ZNF705G: variants seen among roughly 807,000 people sequenced by gnomAD.
ZNF705G encodes putative zinc finger protein 705G.
In ZNF705G, 23 loss-of-function variants were observed where a neutral mutation model predicts 19.6. The observed-to-expected ratio is 1.17, with a 90% CI of 0.84 to 1.66. ZNF705G has a LOEUF of 1.66. Ranked by LOEUF, ZNF705G falls within the 40% of genes most tolerant of loss-of-function variation. ZNF705G has a pLI of 0.00. For missense variants in ZNF705G, 457 were observed against 354.4 expected (o/e 1.29, Z -2.32); for synonymous variants, 146 against 117.7 (o/e 1.24, Z -1.56).
chr8:7,375,554 A>G (rs1303563476), intron 2 of ZNF705G, among the ~76,000 whole-genome samples: 1 of 93,068 alleles, frequency 1.1e-5, no homozygotes. Flanking sequence ...TAGTGAGATT[A>G]CTGGGTCAAA....
At chr8:7,369,253 T>C (rs1806992095) in intron 2 of ZNF705G, among the ~76,000 whole-genome samples, 2 of 149,516 alleles carry the variant, frequency 1.3e-5, no homozygotes, top group Non-Finnish European at 2.9e-5. Context: ...AGCCAAACCA[T>C]ATCAGAAGCC....
In ZNF705G at chr8:7,356,218, G is replaced by C. The variant is rs940303129; in HGVS notation, c.*1758C>G. 3 of 149,554 alleles carry C rather than the reference G, an allele frequency of 2.0e-5. No individual in the cohort carries two copies. Among genetic ancestry groups the C allele is most frequent in the African/African-American group, 7.7e-5 (3 of 38,914 alleles). The allele number at this position is 149,554 out of a possible 1,614,324, so 9.3% of individuals were successfully genotyped here. A position where few individuals can be genotyped will look rare whatever the true frequency, so the allele number is the denominator to read the frequency against. On this transcript the variant is annotated 3_prime_UTR_variant, in exon 7 of 7. Transcript: ENST00000400156. ...AATCAAATATAGGAAAGGCTTGCAA[G>C]GTGGCTGACAGGTTCGGCTGTTTTA... is the stretch of plus-strand genomic sequence containing the variant.
chr8:7,358,598 C>T (rs756101322), intron 6 of ZNF705G, 38 bp from the exon 7 acceptor site: 14 of 1,605,066 alleles, frequency 8.7e-6, no homozygotes, highest in Admixed American at 3.3e-5. Context: ...ATGGTTTACC[C>T]ACATATATCT....
intron 2 of ZNF705G, among the ~76,000 whole-genome samples, chr8:7,367,265 T>C (rs1222167580): frequency 1.3e-5 from 2 of 149,346 alleles, no homozygotes; most frequent in Non-Finnish European, 2.9e-5. Context: ...CCCTACCCAC[T>C]AGAAATGTCA....
chr8:7,371,136 A>G (rs930979188), intron 2 of ZNF705G, among the ~76,000 whole-genome samples: 1 of 142,460 alleles, frequency 7.0e-6, no homozygotes, highest in East Asian at 2.1e-4. Flanking sequence ...TCAGTGTTAC[A>G]TAATAACGAA....
chr8:7,364,008 T>C (rs1181758472), intron 2 of ZNF705G, among the ~76,000 whole-genome samples: 1 of 149,286 alleles, frequency 6.7e-6, no homozygotes, highest in Non-Finnish European at 1.5e-5. Context: ...GCTCAGAAAA[T>C]ACAAAATGAC....
rs1392168376 is a variant in ZNF705G at position 7,373,898 on chromosome 8, A to T, written c.-72+7554T>A. ...TGTATAGGACTTCTTGGATTGGCCCAAGGTGGTTACCAGATACCCAAAGTA... is the reference window on the plus strand; with the variant it reads ...TGTATAGGACTTCTTGGATTGGCCCTAGGTGGTTACCAGATACCCAAAGTA... On this transcript the variant is annotated intron_variant, in intron 2 of 6. Transcript: ENST00000400156. Among the ~76,000 whole-genome samples the T allele has an allele frequency of 4.5e-5, 4 of 89,710 alleles. 2 individuals are homozygous for T. Among genetic ancestry groups the T allele is most frequent in the Non-Finnish European group, 4.3e-5 (2 of 46,556 alleles). 58.9% of individuals were successfully genotyped at this position (89,710 alleles called of 152,430 possible).
At chr8:7,362,336 C>T (rs1806641296) in intron 3 of ZNF705G, among the ~76,000 whole-genome samples, 1 of 149,644 alleles carries the variant, frequency 6.7e-6, no homozygotes, top group South Asian at 2.1e-4. Flanking sequence ...TTTAGTTGTC[C>T]TTTCACAAAG....
intron 1 of ZNF705G, among the ~76,000 whole-genome samples, chr8:7,383,440 A>C (rs1807595063): frequency 6.8e-6 from 1 of 146,550 alleles, no homozygotes; most frequent in Non-Finnish European, 1.5e-5. Context: ...TTACTTCCTC[A>C]GCCCCTGAGA....
At chr8:7,382,809 A>C (rs1245763480) in intron 1 of ZNF705G, among the ~76,000 whole-genome samples, 11 of 146,726 alleles carry the variant, frequency 7.5e-5, no homozygotes, top group Non-Finnish European at 1.3e-4. Flanking sequence ...AAATTTCAGT[A>C]GTTTTTGGGG....
At position 7,371,324 on chromosome 8, in the gene ZNF705G, G is replaced by T. The variant is rs572265004; in HGVS notation, c.-71-8307C>A. On this transcript the variant is annotated intron_variant, in intron 2 of 6. Transcript: ENST00000400156. ...CCAGGGGCCGTGGTGCTGGGGAAAT[G>T]GGTAGATGTGGTTAGAGCACAAAGT... Among the ~76,000 whole-genome samples, 24 of 138,592 alleles carry T rather than the reference G, an allele frequency of 1.7e-4. No homozygotes were observed. In the South Asian group the frequency reaches 5.7e-3, roughly 33 times the overall value. The allele number at this position is 138,592 out of a possible 152,430, so 90.9% of individuals were successfully genotyped here.
At chr8:7,379,812 G>A (rs1354130717) in intron 2 of ZNF705G, among the ~76,000 whole-genome samples, 1 of 147,302 alleles carries the variant, frequency 6.8e-6, no homozygotes, top group South Asian at 2.1e-4. Context: ...CAGAGAAGGA[G>A]TTGGCACTGG....
chr8:7,359,269 A>G (rs1806452831), intron 6 of ZNF705G, among the ~76,000 whole-genome samples: 1 of 149,538 alleles, frequency 6.7e-6, no homozygotes, highest in South Asian at 2.1e-4. Context: ...TTGTCTTGTC[A>G]TTTTTCTCGA....
rs202213307 is a variant in ZNF705G at position 7,358,573 on chromosome 8, T to C, written c.319-13A>G. ...TGAGAGAGTTCTCCTTTGGGGCAAA[T>C]ATTAAAAGCTCTTAATGGTTTACCC... On this transcript the variant is annotated splice_polypyrimidine_tract_variant and intron_variant, in intron 6 of 6. Transcript: ENST00000400156. 6.2e-7 allele frequency: 1 copy of C among 1,603,876 alleles called. No individual in the cohort carries two copies. The highest frequency in any genetic ancestry group is 1.1e-5 in the South Asian group (1 of 90,620).
intron 2 of ZNF705G, among the ~76,000 whole-genome samples, chr8:7,369,177 G>A (rs1806988232): frequency 6.7e-6 from 1 of 149,332 alleles, no homozygotes; most frequent in Non-Finnish European, 1.5e-5. Context: ...ATCGCCACTG[G>A]GTCACCCCAC....
At position 7,358,314 on chromosome 8, in the gene ZNF705G, G is replaced by A. The variant is rs146117075; in HGVS notation, c.565C>T (p.Arg189Trp). 5.5e-3 allele frequency: 8,867 copies of A among 1,606,534 alleles called. 501 individuals are homozygous for A. The highest frequency in any genetic ancestry group is 0.045 in the African/African-American group (3,186 of 71,212). The change falls in exon 7 of 7, where the codon CGG becomes TGG. Residue 189 changes from arginine (R) to tryptophan (W), a missense_variant. Physicochemically the swap from Arg to Trp is moderately radical, Grantham distance 101. Transcript: ENST00000400156. ...KAYTNCFHLR[R>W]HKMTHTGERP... is the part of the protein sequence containing the mutation. ...TCTCCAGTGTGAGTCATCTTGTGCC[G>A]TCTAAGGTGAAAGCAATTAGTATAG...
At chr8:7,365,838 A>C (rs552882084) in intron 2 of ZNF705G, among the ~76,000 whole-genome samples, 70 of 149,742 alleles carry the variant, frequency 4.7e-4, no homozygotes, top group Middle Eastern at 3.5e-3. Flanking sequence ...ATTAGGTCTT[A>C]AGTTCCTGGA....
At chr8:7,382,174 A>G (rs539229773) in intron 1 of ZNF705G, among the ~76,000 whole-genome samples, 46 of 150,850 alleles carry the variant, frequency 3.0e-4, no homozygotes, top group South Asian at 2.9e-3. Flanking sequence ...AAATCACTGC[A>G]AAATTTAAAA....
chr8:7,368,567 C>T (rs1260679024), intron 2 of ZNF705G, among the ~76,000 whole-genome samples: 1 of 149,662 alleles, frequency 6.7e-6, no homozygotes, highest in Non-Finnish European at 1.5e-5. Context: ...ACTTGTAAGA[C>T]CACTGGTATT....
Sources: allele counts gnomAD v4.1 joint callset (sites outside exome capture counted in the v4.1 genomes callset), GRCh38; gene constraint gnomAD v4.1.1; transcripts MANE v1.5; gene names NCBI Gene and HGNC (gene_info 2026-07-23, HGNC 2026-07-21).